The following ITFG2 variants were observed in gnomAD, a reference collection of about 807,000 sequenced individuals.
ITFG2 encodes the protein KICSTOR complex protein ITFG2.
In ITFG2, 36 loss-of-function variants were observed where a neutral mutation model predicts 54.4. The ratio of observed to expected loss-of-function variants is 0.66; its 90% CI spans 0.51 to 0.87. The LOEUF (loss-of-function observed/expected upper bound fraction) is 0.87, where lower values mean the gene tolerates loss of function less well. Among genes scored for constraint, ITFG2 ranks in the 40% least tolerant of loss-of-function variants. The pLI, the probability that ITFG2 is intolerant of heterozygous loss-of-function variation, is 0.00. For synonymous variants in ITFG2, 211 were observed against 225.4 expected (o/e 0.94, Z 0.57); for missense variants, 524 against 576.7 (o/e 0.91, Z 0.94).
chr12:2,827,129 C>T, downstream of ITFG2: 1 of 1,600,548 alleles, frequency 6.2e-7, no homozygotes, highest in Non-Finnish European at 8.5e-7. This position sits in a 1 kb window ranked among gnomAD's most constrained non-coding sequence, Gnocchi z 4.0. Context: ...AGCTACCTGG[C>T]TTCAAGAGCC....
Position 2,820,762 on chromosome 12 carries a change from T to C in ITFG2, c.585T>C (p.Leu195=). ...SLSVTLGPLG[L]PELMVSQPGC... ...CAGTGACTCTGGGGCCACTGGGTCT[T>C]CCTGAACTGATGGTGTCTCAGCCAG... The change falls in exon 6 of 12, where the codon CTT becomes CTC. Residue 195 remains leucine, a synonymous_variant. Coordinates refer to ENST00000228799, the MANE Select transcript of ITFG2 (RefSeq NM_018463.4). The C allele has an allele frequency of 6.2e-7, 1 of 1,614,010 alleles. No homozygotes were observed. Among genetic ancestry groups the C allele is most frequent in the Non-Finnish European group, 8.5e-7 (1 of 1,179,958 alleles).
At chr12:2,820,433 A>G (rs919432381) in intron 5 of ITFG2, among the ~76,000 whole-genome samples, 1 of 152,120 alleles carries the variant, frequency 6.6e-6, no homozygotes, top group Non-Finnish European at 1.5e-5. Context: ...TTGGGCTAAG[A>G]ATGAGGAGTG....
chr12:2,850,031 C>G (rs1255632723), intron 2 of ITFG2, among the ~76,000 whole-genome samples: 1 of 152,164 alleles, frequency 6.6e-6, no homozygotes, highest in Non-Finnish European at 1.5e-5. Flanking sequence ...CAGATAGTCC[C>G]CTGTTTGCTG....
intron 2 of ITFG2, among the ~76,000 whole-genome samples, chr12:2,842,501 G>A (rs1342092283): frequency 1.3e-5 from 2 of 151,798 alleles, no homozygotes; most frequent in African/African-American, 4.8e-5. Context: ...CACATTTTTG[G>A]AAGGCAAGAC....
chr12:2,836,048 T>G (rs1641796311), upstream of ITFG2, among the ~76,000 whole-genome samples: 1 of 152,248 alleles, frequency 6.6e-6, no homozygotes, highest in Admixed American at 6.5e-5. Flanking sequence ...TTTTCATTTT[T>G]AGGTCTAACA....
chr12:2,848,866 G>GAC (rs57562074), intron 2 of ITFG2, among the ~76,000 whole-genome samples: 3 of 115,766 alleles, frequency 2.6e-5, no homozygotes, highest in Non-Finnish European at 5.4e-5. Context: ...CACCCCAACA[G>GAC]ACACACACAC....
intron 3 of ITFG2, chr12:2,858,395 G>A (rs910222111): frequency 2.8e-5 from 14 of 492,820 alleles, no homozygotes; most frequent in African/African-American, 2.5e-4. Context: ...TTTCACCATT[G>A]CCTTTGTTGT....
chr12:2,854,559 C>T (rs529084270), intron 2 of ITFG2, among the ~76,000 whole-genome samples: 10 of 152,350 alleles, frequency 6.6e-5, no homozygotes, highest in Admixed American at 4.6e-4. Flanking sequence ...CCCTGTCTCG[C>T]ACTCTGGGCC....
rs1202346691 is a variant in ITFG2 at position 2,855,005 on chromosome 12, T to G, written n.301-3007T>G. Reference sequence around the variant, plus strand: ...ACCTCCTTCAACTCCTTCACTGTCCTGAAAATCACCTGCTTCTTCCTTTTC... The same window carrying G: ...ACCTCCTTCAACTCCTTCACTGTCCGGAAAATCACCTGCTTCTTCCTTTTC... On this transcript the variant is annotated intron_variant and non_coding_transcript_variant, in intron 2 of 3. Coordinates refer to the ITFG2 transcript ENST00000537710. 3.9e-6 allele frequency: 6 copies of G among 1,536,242 alleles called. No individual in the cohort carries two copies. The East Asian group carries it at 1.5e-4, about 38-fold the overall frequency.
chr12:2,828,332 C>T, downstream of ITFG2: 2 of 1,613,930 alleles, frequency 1.2e-6, no homozygotes, highest in Non-Finnish European at 1.7e-6. Context: ...ACATTCTTAC[C>T]CCAGGCGGCT....
intron 1 of ITFG2, among the ~76,000 whole-genome samples, chr12:2,837,277 A>T (rs1022791046): frequency 1.3e-5 from 2 of 152,158 alleles, no homozygotes; most frequent in East Asian, 1.9e-4. Context: ...GGAGACCGAG[A>T]CCATCCTGGC....
chr12:2,828,130 A>G (rs964118310), downstream of ITFG2: 4 of 1,372,582 alleles, frequency 2.9e-6, no homozygotes, highest in Non-Finnish European at 4.1e-6. Flanking sequence ...CCTCTCTACT[A>G]TGGTTTCATC....
chr12:2,821,284 G>A lies in ITFG2; in HGVS notation c.718G>A (p.Val240Met), dbSNP rs146655165. ...CAGGGAGACCCCAGCTGCCCGAGAC[G>A]TGGTGCTGCACCAGACATCTGGCCG... ...GSRETPAARD[V>M]VLHQTSGRIH... is the part of the protein sequence containing the mutation. Residue 240 changes from valine to methionine, a missense_variant, in exon 7 of 12, where the codon GTG becomes ATG. Coordinates refer to ENST00000228799, the MANE Select transcript of ITFG2 (RefSeq NM_018463.4). 190 of 1,609,168 alleles carry A rather than the reference G, an allele frequency of 1.2e-4. 3 individuals carry two copies. In the African/African-American group the frequency reaches 2.3e-3, roughly 19 times the overall value.
downstream of ITFG2, among the ~76,000 whole-genome samples, chr12:2,829,050 G>GA (rs914337839): frequency 1.3e-3 from 194 of 145,822 alleles, no homozygotes; most frequent in Non-Finnish European, 2.2e-3. Flanking sequence ...AAATAAAATG[G>GA]AAAAAAAAAA....
chr12:2,854,945 G>C, intron 2 of ITFG2: 5 of 1,536,148 alleles, frequency 3.3e-6, no homozygotes, highest in Non-Finnish European at 4.4e-6. Flanking sequence ...TCGAGTGGGG[G>C]TGCTCTTGCC....
intron 2 of ITFG2, among the ~76,000 whole-genome samples, chr12:2,852,510 G>T (rs1032529380): frequency 6.6e-6 from 1 of 152,126 alleles, no homozygotes; most frequent in Non-Finnish European, 1.5e-5. Flanking sequence ...GGGATTATGG[G>T]CATGTGCCAC....
intron 2 of ITFG2, among the ~76,000 whole-genome samples, chr12:2,842,187 T>G (rs1317412938): frequency 1.5e-5 from 2 of 135,458 alleles, no homozygotes; most frequent in African/African-American, 5.6e-5. Flanking sequence ...TGTGGCACGA[T>G]CTCGGCTCAC....
At chr12:2,827,140 C>T, downstream of ITFG2, 1 of 1,608,052 alleles carries the variant, frequency 6.2e-7, no homozygotes, top group South Asian at 1.1e-5. This position sits in a 1 kb window ranked among gnomAD's most constrained non-coding sequence, Gnocchi z 4.0. Flanking sequence ...TTCAAGAGCC[C>T]CCGTTCCCCA....
chr12:2,834,876 C>A (rs564747710), upstream of ITFG2: 3 of 1,613,722 alleles, frequency 1.9e-6, no homozygotes, highest in East Asian at 6.7e-5. Context: ...TCGGTGGGGG[C>A]GTCACCGAGT....
Sources: gnomAD v4.1 joint callset for allele counts (sites outside exome capture counted in the v4.1 genomes callset) on GRCh38, gnomAD v4.1.1 for gene constraint, Gnocchi (gnomAD v3.1) non-coding constraint, MANE v1.5 for transcripts, NCBI Gene and HGNC (gene_info 2026-07-23, HGNC 2026-07-21) for gene names.